The following RBM47 variants were observed in gnomAD, a reference collection of about 807,000 sequenced individuals.
RBM47 encodes the protein RNA binding motif protein 47, also known as RNA-binding protein 47.
RBM47 carries 21 observed loss-of-function variants against 47.1 expected under a neutral mutation model. The ratio of observed to expected loss-of-function variants is 0.45; its 90% CI spans 0.32 to 0.64. The LOEUF (loss-of-function observed/expected upper bound fraction) is 0.64. Ranked by LOEUF, RBM47 falls within the 30% of genes least tolerant of loss-of-function variation. The pLI, the probability that RBM47 is intolerant of heterozygous loss-of-function variation, is 0.05. For missense variants in RBM47, 708 were observed against 870.9 expected (o/e 0.81, Z 2.35); for synonymous variants, 375 against 361.7 (o/e 1.04, Z -0.42).
intron 2 of RBM47, among the ~76,000 whole-genome samples, chr4:40,482,809 G>A (rs937663996): frequency 6.6e-6 from 1 of 152,128 alleles, no homozygotes; most frequent in African/African-American, 2.4e-5. Flanking sequence ...TGAGTTATGT[G>A]GAGTCTAAAA....
intron 2 of RBM47, among the ~76,000 whole-genome samples, chr4:40,512,565 A>G (rs1396905599): frequency 6.6e-6 from 1 of 150,612 alleles, no homozygotes; most frequent in Non-Finnish European, 1.5e-5. Context: ...AAATACAAAA[A>G]TTAGCTGGAG....
chr4:40,610,289 T>G (rs947073537), intron 1 of RBM47, among the ~76,000 whole-genome samples: 3 of 152,034 alleles, frequency 2.0e-5, no homozygotes, highest in Non-Finnish European at 4.4e-5. Context: ...AGTTTTCTTA[T>G]GCAGATTCAA....
intron 1 of RBM47, among the ~76,000 whole-genome samples, chr4:40,548,314 T>A (rs1466423718): frequency 2.0e-5 from 3 of 152,172 alleles, no homozygotes; most frequent in Non-Finnish European, 4.4e-5. Flanking sequence ...GACAATGAGC[T>A]GAGCACAGCC....
At chr4:40,471,572 C>T (rs924487338) in intron 2 of RBM47, among the ~76,000 whole-genome samples, 14 of 151,952 alleles carry the variant, frequency 9.2e-5, no homozygotes, top group Admixed American at 6.6e-4. Flanking sequence ...TGGCACACAC[C>T]TGTAATCCTA....
intron 2 of RBM47, among the ~76,000 whole-genome samples, chr4:40,527,922 T>C (rs1396938543): frequency 3.3e-5 from 5 of 152,132 alleles, no homozygotes; most frequent in African/African-American, 1.2e-4. Flanking sequence ...CTAAGTCACA[T>C]GTTAGTTTGC....
intron 2 of RBM47, among the ~76,000 whole-genome samples, chr4:40,528,945 A>ATAAATAAAT (rs1553896738): frequency 8.7e-5 from 8 of 92,374 alleles, no homozygotes; most frequent in East Asian, 3.0e-4. Context: ...TCCGTCTCAA[A>ATAAATAAAT]AAAAAAATAA....
intron 3 of RBM47, among the ~76,000 whole-genome samples, chr4:40,444,030 C>T (rs984288068): frequency 6.6e-6 from 1 of 152,020 alleles, no homozygotes; most frequent in Non-Finnish European, 1.5e-5. Context: ...AAAACCCCAT[C>T]TCTACAAAAA....
chr4:40,460,214 G>GTTTTT (rs5857730), intron 3 of RBM47, among the ~76,000 whole-genome samples: 2 of 143,184 alleles, frequency 1.4e-5, no homozygotes, highest in East Asian at 2.0e-4. Flanking sequence ...TTCCATCACT[G>GTTTTT]TTTTTTTTTT....
intron 5 of RBM47, among the ~76,000 whole-genome samples, chr4:40,435,512 C>A (rs1236849766): frequency 6.6e-6 from 1 of 152,146 alleles, no homozygotes; most frequent in East Asian, 1.9e-4. Context: ...CATGCCACTG[C>A]ACTCCAGCCC....
chr4:40,583,388 GAAAAAAAAAAAAAA>G (rs56371832), intron 1 of RBM47, among the ~76,000 whole-genome samples: 1 of 91,102 alleles, frequency 1.1e-5, no homozygotes, highest in Non-Finnish European at 2.2e-5. Context: ...CTCCATCTCA[GAAAAAAAAAAAAAA>G]AAAAAAAAAA....
rs1737960552 is a variant in RBM47, at chr4:40,628,675, T to A, written c.-240+721A>T. Among the ~76,000 whole-genome samples, 3 of 152,112 alleles carry A rather than the reference T, an allele frequency of 2.0e-5. No homozygotes were observed. The highest frequency in any genetic ancestry group is 4.1e-4 in the South Asian group (2 of 4,820). ...AATACCACCAGATAAAAAAAAAAGG[T>A]TTGATTTTTAGTTCAGGTCGGTAAT... On this transcript the variant is annotated intron_variant, in intron 1 of 6. Transcript: ENST00000295971. This position sits in a 1 kb window ranked among gnomAD's most constrained non-coding sequence, Gnocchi z 4.0.
intron 6 of RBM47, among the ~76,000 whole-genome samples, chr4:40,428,234 A>C (rs1015559480): frequency 1.3e-5 from 2 of 149,276 alleles, no homozygotes; most frequent in African/African-American, 4.9e-5. Flanking sequence ...AAACAAAACA[A>C]ACCCCCAAAC....
chr4:40,494,051 T>C (rs1394292820), intron 2 of RBM47, among the ~76,000 whole-genome samples: 1 of 152,218 alleles, frequency 6.6e-6, no homozygotes, highest in Non-Finnish European at 1.5e-5. Context: ...CAAAGAACAA[T>C]GGTCAGAAAT....
chr4:40,476,882 A>G (rs1021614507), intron 2 of RBM47, among the ~76,000 whole-genome samples: 3 of 152,218 alleles, frequency 2.0e-5, no homozygotes, highest in Non-Finnish European at 2.9e-5. Flanking sequence ...TCACTGTATC[A>G]TTGTTAAGCT....
intron 1 of RBM47, among the ~76,000 whole-genome samples, chr4:40,606,164 C>T (rs1426453559): frequency 1.3e-5 from 2 of 150,014 alleles, no homozygotes; most frequent in East Asian, 3.9e-4. Flanking sequence ...CGTTACTGCA[C>T]TCCAGCCTGG....
chr4:40,518,511 G>C (rs552133812), intron 2 of RBM47, among the ~76,000 whole-genome samples: 73 of 152,210 alleles, frequency 4.8e-4, no homozygotes, highest in African/African-American at 1.5e-3. Flanking sequence ...CAATAATCAA[G>C]TATTTGATAT....
intron 1 of RBM47, among the ~76,000 whole-genome samples, chr4:40,611,294 G>A (rs1736237778): frequency 6.6e-6 from 1 of 152,136 alleles, no homozygotes; most frequent in African/African-American, 2.4e-5. Flanking sequence ...TTGCTTACGT[G>A]TCTGATTTAG....
intron 6 of RBM47, among the ~76,000 whole-genome samples, chr4:40,431,028 G>A (rs531963840): frequency 1.3e-5 from 2 of 152,108 alleles, no homozygotes; most frequent in African/African-American, 4.8e-5. Flanking sequence ...AGGTTGCAGT[G>A]AGCCATGCAC....
intron 2 of RBM47, among the ~76,000 whole-genome samples, chr4:40,498,054 T>TATATATA (rs1553890650): frequency 0.018 from 2,017 of 109,766 alleles, 62 homozygotes; most frequent in Admixed American, 0.063. Context: ...AGTGCTTGTT[T>TATATATA]TATATATATA....
Sources: allele counts gnomAD v4.1 joint callset (sites outside exome capture counted in the v4.1 genomes callset), GRCh38; gene constraint gnomAD v4.1.1; non-coding constraint Gnocchi (gnomAD v3.1); transcripts MANE v1.5; gene names NCBI Gene and HGNC (gene_info 2026-07-23, HGNC 2026-07-21).